Variants in DNAH5 observed in about 807,000 individuals in gnomAD.
DNAH5 encodes dynein axonemal heavy chain 5.
A neutral mutation model predicts 518.2 loss-of-function variants in DNAH5; 372 were observed. That is an observed-to-expected ratio of 0.72 (90% CI 0.66 to 0.78). The LOEUF (loss-of-function observed/expected upper bound fraction) is 0.78. Ranked by LOEUF, DNAH5 falls within the 30% of genes least tolerant of loss-of-function variation. The pLI is 0.00. For synonymous variants in DNAH5, 2,039 were observed against 2,025.9 expected (o/e 1.01, Z -0.17); for missense variants, 5,523 against 5,687.0 (o/e 0.97, Z 0.93).
chr5:13,727,755 A>G (rs1745953068), intron 69 of DNAH5, 99 bp from the exon 70 acceptor site: 6 of 1,291,812 alleles, frequency 4.6e-6, no homozygotes, highest in South Asian at 1.2e-5. Context: ...CTCTCCAGAT[A>G]TGTGTAAATT....
At chr5:13,933,281 C>T (rs757230189) in intron 1 of DNAH5, among the ~76,000 whole-genome samples, 2 of 152,122 alleles carry the variant, frequency 1.3e-5, no homozygotes, top group East Asian at 1.9e-4. Context: ...CAGTACAGAA[C>T]CTGCAAAAGT....
chr5:13,824,718 A>G (rs1762671108), intron 38 of DNAH5, among the ~76,000 whole-genome samples: 1 of 152,170 alleles, frequency 6.6e-6, no homozygotes, highest in African/African-American at 2.4e-5. Context: ...CTGGGACTGC[A>G]CTCATGACTG....
chr5:13,860,307 T>C (rs1236441542), intron 29 of DNAH5: 1 of 152,524 alleles, frequency 6.6e-6, no homozygotes, highest in Non-Finnish European at 1.5e-5. Flanking sequence ...CCCTTTGCAG[T>C]AATGTGCAGT....
chr5:13,893,354 C>A (rs1009678145), intron 16 of DNAH5, among the ~76,000 whole-genome samples: 1 of 151,980 alleles, frequency 6.6e-6, no homozygotes. Flanking sequence ...GGGGTAGGAA[C>A]AGGGTTACAG....
At chr5:13,725,087 A>G (rs1307293487) in intron 70 of DNAH5, among the ~76,000 whole-genome samples, 1 of 152,224 alleles carries the variant, frequency 6.6e-6, no homozygotes, top group East Asian at 1.9e-4. Context: ...AGATCAGTGG[A>G]CAAATGGCCC....
intron 31 of DNAH5, among the ~76,000 whole-genome samples, chr5:13,849,323 T>A (rs1378413750): frequency 1.3e-5 from 2 of 152,212 alleles, no homozygotes; most frequent in East Asian, 3.9e-4. Flanking sequence ...GAGGATTCAT[T>A]GAAATGTATG....
At chr5:13,850,539 A>G in intron 31 of DNAH5, 113 bp downstream of exon 31, 2 of 830,832 alleles carry the variant, frequency 2.4e-6, no homozygotes, top group Non-Finnish European at 4.1e-6. Context: ...CAACAGCTTT[A>G]TATATAAATT....
intron 61 of DNAH5, 29 bp downstream of exon 61, chr5:13,758,817 C>T: frequency 3.1e-6 from 5 of 1,613,590 alleles, no homozygotes; most frequent in Non-Finnish European, 4.2e-6. Flanking sequence ...AGATATGTGA[C>T]AGTCCCTGCC....
intron 38 of DNAH5, among the ~76,000 whole-genome samples, chr5:13,827,024 CTTG>C (rs1762972662): frequency 6.6e-6 from 1 of 152,180 alleles, no homozygotes. Context: ...AGATGGGGAA[CTTG>C]TTGGGAACTG....
At chr5:13,802,954 T>C (rs1269643569) in intron 47 of DNAH5, among the ~76,000 whole-genome samples, 1 of 151,040 alleles carries the variant, frequency 6.6e-6, no homozygotes, top group East Asian at 1.9e-4. Context: ...TGAATATGCA[T>C]ATATGCATTA....
In DNAH5 at chr5:13,882,877, G is replaced by A. The variant is rs577012771; in HGVS notation, c.3174+27C>T. Reference sequence around the variant, plus strand: ...TCTGTAAAAGAAGTGGTTTCCATATGAAACCATTTCTGCACCCCATACCCA... The same window carrying A: ...TCTGTAAAAGAAGTGGTTTCCATATAAAACCATTTCTGCACCCCATACCCA... On this transcript the variant is annotated intron_variant, in intron 20 of 78. Transcript: ENST00000265104. 4 of 1,614,024 alleles carry A rather than the reference G, an allele frequency of 2.5e-6. No individual in the cohort carries two copies. In the African/African-American group the frequency reaches 5.3e-5, roughly 22 times the overall value.
intron 1 of DNAH5, among the ~76,000 whole-genome samples, chr5:13,976,873 A>G (rs1347494474): frequency 2.6e-5 from 4 of 152,164 alleles, no homozygotes; most frequent in Non-Finnish European, 1.5e-5. Flanking sequence ...AAGTGACTTC[A>G]TCATCTATGA....
chr5:13,694,468 C>T (rs1402872767), intron 78 of DNAH5, among the ~76,000 whole-genome samples: 2 of 152,100 alleles, frequency 1.3e-5, no homozygotes, highest in African/African-American at 4.8e-5. Flanking sequence ...AATAGGCATG[C>T]TAGGTAGGTA....
At chr5:13,860,983 T>C (rs1050897708) in intron 29 of DNAH5, among the ~76,000 whole-genome samples, 3 of 152,194 alleles carry the variant, frequency 2.0e-5, no homozygotes, top group South Asian at 2.1e-4. Context: ...ACTAGAAATA[T>C]AGGTCCATAG....
In DNAH5 at chr5:13,717,531, C is replaced by CA. The variant is rs1561103305; in HGVS notation, c.12500-12dup. ...GGTCTTGGCTGACACCTGTTGTGGTCAGTTGGGTGAAAAATGTATCATCTC... is the reference window on the plus strand; with the variant it reads ...GGTCTTGGCTGACACCTGTTGTGGTCAAGTTGGGTGAAAAATGTATCATCTC... On this transcript the variant is annotated splice_polypyrimidine_tract_variant and intron_variant, in intron 72 of 78. Transcript: ENST00000265104. 1 of 1,611,548 alleles carries CA rather than the reference C, an allele frequency of 6.2e-7. No individual in the cohort carries two copies. The highest frequency in any genetic ancestry group is 8.5e-7 in the Non-Finnish European group (1 of 1,177,772).
intron 34 of DNAH5, 82 bp from the exon 35 acceptor site, chr5:13,839,610 T>C: frequency 4.9e-6 from 6 of 1,232,082 alleles, no homozygotes; most frequent in South Asian, 1.2e-5. Flanking sequence ...ATGTAGATCA[T>C]AAAGTGAAAT....
chr5:13,767,832 A>C (rs907956481), intron 58 of DNAH5, among the ~76,000 whole-genome samples: 1 of 152,206 alleles, frequency 6.6e-6, no homozygotes, highest in African/African-American at 2.4e-5. Context: ...GTTATCTAAC[A>C]TCTGGAGGTA....
In DNAH5 at chr5:13,923,396, T is replaced by C; in HGVS notation, c.322A>G (p.Ile108Val). 1 of 1,614,202 alleles carries C rather than the reference T, an allele frequency of 6.2e-7. No homozygotes were observed. The highest frequency in any genetic ancestry group is 8.5e-7 in the Non-Finnish European group (1 of 1,180,014). Residue 108 changes from isoleucine to valine, a missense_variant, in exon 4 of 79, where the codon ATT (isoleucine) becomes GTT (valine). By Grantham distance (29) the Ile-to-Val change is conservative (BLOSUM62 3). Transcript: ENST00000265104. ...GTCACGAACACCTTAGGTTTTTTAATCTTTCCAGAAACAAGATTTACCCCT... is the reference window on the plus strand; with the variant it reads ...GTCACGAACACCTTAGGTTTTTTAACCTTTCCAGAAACAAGATTTACCCCT... ...LGGVNLVSGKIKKPKVFVTEG... is the reference protein window; with the variant it reads ...LGGVNLVSGKVKKPKVFVTEG...
At chr5:13,706,555 C>A (rs541962176) in intron 76 of DNAH5, among the ~76,000 whole-genome samples, 2 of 152,336 alleles carry the variant, frequency 1.3e-5, no homozygotes, top group Middle Eastern at 3.4e-3. Flanking sequence ...AGTTCACTTA[C>A]ATCTCCCCAT....
Sources: gnomAD v4.1 joint callset for allele counts (sites outside exome capture counted in the v4.1 genomes callset) on GRCh38, gnomAD v4.1.1 for gene constraint, MANE v1.5 for transcripts, NCBI Gene and HGNC (gene_info 2026-07-23, HGNC 2026-07-21) for gene names.